Variants in SAMD5 observed in about 807,000 individuals in gnomAD.
The protein encoded by SAMD5 is sterile alpha motif domain containing 5, also known as sterile alpha motif domain-containing protein 5.
SAMD5 carries 13 observed loss-of-function variants against 11.3 expected under a neutral mutation model. That is an observed-to-expected ratio of 1.15 (90% CI 0.75 to 1.83). SAMD5 has a LOEUF of 1.83. Ranked by LOEUF, SAMD5 falls within the 40% of genes most tolerant of loss-of-function variation. The pLI, the probability that SAMD5 is intolerant of heterozygous loss-of-function variation, is 0.00. For synonymous variants in SAMD5, 129 were observed against 111.3 expected, an observed-to-expected ratio of 1.16 and a Z score of -1.00; for missense variants, 255 against 239.1, an observed-to-expected ratio of 1.07 and a Z score of -0.44.
intron 1 of SAMD5, among the ~76,000 whole-genome samples, chr6:147,683,633 A>AAGTGCATGGCAGTGAGTG (rs1318568363): frequency 6.6e-6 from 1 of 152,158 alleles, no homozygotes; most frequent in Non-Finnish European, 1.5e-5. Context: ...AGGTGCATGG[A>AAGTGCATGGCAGTGAGTG]AGTGCATGGC....
chr6:147,680,890 G>T (rs1183536314), intron 1 of SAMD5, among the ~76,000 whole-genome samples: 1 of 152,086 alleles, frequency 6.6e-6, no homozygotes, highest in African/African-American at 2.4e-5. Context: ...TACTGGATTT[G>T]ATTAGCTAAA....
At chr6:147,625,132 G>A (rs1023395741) in intron 1 of SAMD5, among the ~76,000 whole-genome samples, 1 of 152,096 alleles carries the variant, frequency 6.6e-6, no homozygotes, top group African/African-American at 2.4e-5. Context: ...TTCCTGGAGG[G>A]TTTACATGAA....
chr6:147,681,125 A>G (rs1331315358), intron 1 of SAMD5, among the ~76,000 whole-genome samples: 2 of 152,094 alleles, frequency 1.3e-5, no homozygotes, highest in African/African-American at 4.8e-5. Context: ...TGGGCATGGA[A>G]TTTTATTTAT....
chr6:147,775,171 G>A, the SAMD5 span, among the ~76,000 whole-genome samples: 6 of 152,200 alleles, frequency 3.9e-5, no homozygotes, highest in Admixed American at 6.5e-5. Context: ...ACCTTGACTG[G>A]GTCCCTGCGA....
chr6:147,614,626 A>C (rs1209175157), intron 1 of SAMD5, among the ~76,000 whole-genome samples: 2 of 151,958 alleles, frequency 1.3e-5, no homozygotes, highest in Non-Finnish European at 2.9e-5. Context: ...AGTCTAAACT[A>C]ATCTGTGGTG....
chr6:147,541,490 G>A (rs1351617763), intron 1 of SAMD5, among the ~76,000 whole-genome samples: 2 of 152,156 alleles, frequency 1.3e-5, no homozygotes, highest in Non-Finnish European at 2.9e-5. Flanking sequence ...ATTCCAGGTG[G>A]GAAGGGACGA....
intron 1 of SAMD5, among the ~76,000 whole-genome samples, chr6:147,689,216 G>A (rs1435399233): frequency 6.6e-6 from 1 of 152,206 alleles, no homozygotes; most frequent in Non-Finnish European, 1.5e-5. Context: ...AAGGTCACAG[G>A]CAAGAGAGTG....
chr6:147,841,334 A>G, the SAMD5 span, among the ~76,000 whole-genome samples: 1 of 152,244 alleles, frequency 6.6e-6, no homozygotes, highest in Non-Finnish European at 1.5e-5. Context: ...GGAACAACAA[A>G]GAAGATTTTC....
the SAMD5 span, among the ~76,000 whole-genome samples, chr6:147,881,658 TG>T: frequency 6.6e-6 from 1 of 152,212 alleles, no homozygotes. Flanking sequence ...GGCTGTGTTC[TG>T]CATCTCAATT....
chr6:147,523,180 A>G (rs943878801), intron 1 of SAMD5, among the ~76,000 whole-genome samples: 1 of 151,880 alleles, frequency 6.6e-6, no homozygotes, highest in Non-Finnish European at 1.5e-5. Context: ...CAAATTGAAA[A>G]CCCTTATAAA....
At chr6:147,780,674 T>C in the SAMD5 span, among the ~76,000 whole-genome samples, 4 of 152,220 alleles carry the variant, frequency 2.6e-5, no homozygotes, top group African/African-American at 9.6e-5. Context: ...TACGTTCAGA[T>C]AGGTTTAATT....
chr6:147,713,823 TCTCTC>T (rs1245746418), intron 1 of SAMD5, among the ~76,000 whole-genome samples: 1 of 152,104 alleles, frequency 6.6e-6, no homozygotes, highest in Admixed American at 6.5e-5. Flanking sequence ...TTTCCCCTCT[TCTCTC>T]CTCCCTTACT....
Position 147,514,613 on chromosome 6 carries a change from G to A in SAMD5, c.459+5226G>A, listed in dbSNP as rs550175079. Among the ~76,000 whole-genome samples, 385 of 152,120 alleles carry A rather than the reference G, an allele frequency of 2.5e-3. 3 individuals are homozygous for A. The highest frequency in any genetic ancestry group is 8.8e-3 in the African/African-American group (366 of 41,508). ...GTGCTTATAGGGTTGTGGCAGATGT[G>A]AAGGGTATGGGGCTGTAAATATATT... On this transcript the variant is annotated intron_variant, in intron 1 of 1. Transcript: ENST00000367474.
At chr6:147,891,027 T>C in the SAMD5 span, among the ~76,000 whole-genome samples, 1 of 152,208 alleles carries the variant, frequency 6.6e-6, no homozygotes, top group Admixed American at 6.5e-5. Context: ...TTCTAAAATA[T>C]GTTAAGTGAA....
chr6:147,638,787 T>A (rs1790269647), intron 1 of SAMD5, among the ~76,000 whole-genome samples: 2 of 152,252 alleles, frequency 1.3e-5, no homozygotes, highest in Admixed American at 1.3e-4. Context: ...TTTTCTGTTT[T>A]ACATGATGAA....
chr6:147,747,822 G>A, the SAMD5 span, among the ~76,000 whole-genome samples: 2 of 152,090 alleles, frequency 1.3e-5, no homozygotes, highest in African/African-American at 4.8e-5. Flanking sequence ...TGCGTTGGTT[G>A]TCTTTAGTAT....
intron 1 of SAMD5, among the ~76,000 whole-genome samples, chr6:147,663,032 C>T (rs1046256095): frequency 1.3e-5 from 2 of 152,108 alleles, no homozygotes; most frequent in Admixed American, 6.5e-5. Flanking sequence ...TGTGTCATTA[C>T]CACATTAGCA....
At chr6:147,811,120 C>T in the SAMD5 span, among the ~76,000 whole-genome samples, 57 of 152,230 alleles carry the variant, frequency 3.7e-4, no homozygotes, top group African/African-American at 1.2e-3. Flanking sequence ...ATACAATGTT[C>T]GGCATATAGT....
intron 1 of SAMD5, chr6:147,660,706 T>A (rs568716579): frequency 7.7e-4 from 118 of 152,416 alleles, no homozygotes; most frequent in African/African-American, 2.8e-3. Flanking sequence ...CGCCCTTCTC[T>A]CTTTTCCTCC....
Sources: gnomAD v4.1 joint callset for allele counts (sites outside exome capture counted in the v4.1 genomes callset) on GRCh38, gnomAD v4.1.1 for gene constraint, MANE v1.5 for transcripts, NCBI Gene and HGNC (gene_info 2026-07-23, HGNC 2026-07-21) for gene names.